Variants in KALRN observed in about 807,000 individuals in gnomAD.
KALRN encodes the protein kalirin.
Under a neutral mutation model 353.7 loss-of-function variants are expected in KALRN, and 70 were observed. The observed-to-expected ratio is 0.20, with a 90% CI of 0.16 to 0.24. KALRN has a LOEUF of 0.24. KALRN is among the 10% of genes least tolerant of loss of function. The probability of loss-of-function intolerance (pLI) is 1.00; values close to 1 mark genes in which losing one functional copy is unlikely to be tolerated. For missense variants in KALRN, 2,791 were observed against 3,756.7 expected (o/e 0.74, Z 6.72); for synonymous variants, 1,391 against 1,434.8 (o/e 0.97, Z 0.69).
chr3:124,127,179 T>C (rs561397244), intron 1 of KALRN, among the ~76,000 whole-genome samples: 2 of 152,334 alleles, frequency 1.3e-5, no homozygotes, highest in East Asian at 3.9e-4. Flanking sequence ...TTTGCGACTC[T>C]ATTGCTTCTC....
intron 1 of KALRN, chr3:124,096,231 G>C (rs2061438018): frequency 6.6e-6 from 1 of 152,232 alleles, no homozygotes; most frequent in South Asian, 2.1e-4. Flanking sequence ...TTCGTAAAAA[G>C]GGGTGATGAT....
intron 54 of KALRN, 82 bp downstream of exon 54, chr3:124,696,337 C>T: frequency 7.2e-7 from 1 of 1,388,196 alleles, no homozygotes; most frequent in Non-Finnish European, 9.9e-7. Flanking sequence ...CAGGCATGAT[C>T]TCTGTTCATG....
intron 1 of KALRN, among the ~76,000 whole-genome samples, chr3:124,035,606 G>A (rs182525127): frequency 6.6e-5 from 10 of 152,212 alleles, no homozygotes; most frequent in East Asian, 3.9e-4. Context: ...CCAGGCACCC[G>A]TAGCAGAGCT....
intron 1 of KALRN, among the ~76,000 whole-genome samples, chr3:124,089,097 T>C (rs764401400): frequency 6.6e-6 from 1 of 151,934 alleles, no homozygotes; most frequent in Non-Finnish European, 1.5e-5. Flanking sequence ...GAAAAAAAAA[T>C]GTTGAGCTCT....
intron 3 of KALRN, among the ~76,000 whole-genome samples, chr3:124,248,518 A>T: frequency 6.6e-6 from 1 of 152,116 alleles, no homozygotes; most frequent in East Asian, 1.9e-4. Context: ...CTTGTTTCTA[A>T]ATTAAGCAAG....
At chr3:124,632,338 T>C in intron 34 of KALRN, 82 bp from the exon 35 acceptor site, 4 of 1,372,238 alleles carry the variant, frequency 2.9e-6, no homozygotes, top group Non-Finnish European at 4.1e-6. Flanking sequence ...CCTAGCTTCC[T>C]GAGGATGGAG....
At chr3:124,206,686 A>G (rs1158665612) in intron 1 of KALRN, among the ~76,000 whole-genome samples, 5 of 152,248 alleles carry the variant, frequency 3.3e-5, no homozygotes, top group African/African-American at 1.2e-4. Flanking sequence ...TTATAGCATT[A>G]CATGAGTTTC....
chr3:124,327,180 A>T (rs1196578144), intron 7 of KALRN, among the ~76,000 whole-genome samples: 1 of 152,236 alleles, frequency 6.6e-6, no homozygotes, highest in African/African-American at 2.4e-5. Flanking sequence ...GTGTTTGAAA[A>T]TGCAGACTAA....
chr3:124,546,973 G>A (rs1387095074), intron 33 of KALRN, among the ~76,000 whole-genome samples: 2 of 152,142 alleles, frequency 1.3e-5, no homozygotes, highest in African/African-American at 4.8e-5. Flanking sequence ...TTGAATGAAT[G>A]AATGAGCGAA....
intron 34 of KALRN, among the ~76,000 whole-genome samples, chr3:124,617,700 C>T (rs888727898): frequency 6.6e-6 from 1 of 152,260 alleles, no homozygotes; most frequent in South Asian, 2.1e-4. Flanking sequence ...CCCAATAGTT[C>T]CTGATCCACT....
At chr3:124,594,296 A>G (rs375835396) in intron 34 of KALRN, among the ~76,000 whole-genome samples, 1 of 152,064 alleles carries the variant, frequency 6.6e-6, no homozygotes, top group East Asian at 1.9e-4. Context: ...CGCAATCTTG[A>G]CTCACTGCAA....
At chr3:124,439,171 C>A in intron 18 of KALRN, 134 bp downstream of exon 18, 1 of 756,366 alleles carries the variant, frequency 1.3e-6, no homozygotes, top group Non-Finnish European at 2.1e-6. Context: ...CTTTCTCCTC[C>A]TCCTCCTTCT....
chr3:124,286,484 C>T (rs947945482), intron 5 of KALRN, among the ~76,000 whole-genome samples: 1 of 152,118 alleles, frequency 6.6e-6, no homozygotes, highest in Non-Finnish European at 1.5e-5. Context: ...AACTCCTGAC[C>T]TTGTGATCTG....
chr3:124,433,674 C>G (rs1374114100), intron 16 of KALRN, among the ~76,000 whole-genome samples: 1 of 147,592 alleles, frequency 6.8e-6, no homozygotes, highest in African/African-American at 2.5e-5. Context: ...ATGTAAATAA[C>G]ATGGGGATTA....
intron 9 of KALRN, among the ~76,000 whole-genome samples, chr3:124,344,485 A>G (rs1020258598): frequency 2.0e-5 from 3 of 152,350 alleles, no homozygotes. Context: ...CTCTAAATGA[A>G]CTGTCTGAAA....
intron 5 of KALRN, among the ~76,000 whole-genome samples, chr3:124,294,770 T>C (rs1172852268): frequency 1.3e-5 from 2 of 152,190 alleles, no homozygotes; most frequent in Non-Finnish European, 2.9e-5. Flanking sequence ...GTTGTAGCAA[T>C]GAATATATCT....
At chr3:124,127,166 T>A (rs1032772946) in intron 1 of KALRN, among the ~76,000 whole-genome samples, 1 of 152,192 alleles carries the variant, frequency 6.6e-6, no homozygotes, top group African/African-American at 2.4e-5. Flanking sequence ...TGTCTTCCTT[T>A]AATTTGCGAC....
At chr3:124,444,526 G>A (rs959703195) in intron 19 of KALRN, among the ~76,000 whole-genome samples, 7 of 152,252 alleles carry the variant, frequency 4.6e-5, no homozygotes, top group African/African-American at 7.2e-5. Flanking sequence ...GGCTGAGCAC[G>A]GTGGCTCGCG....
intron 1 of KALRN, among the ~76,000 whole-genome samples, chr3:124,120,711 AATATATATATATATAT>A (rs368470724): frequency 3.4e-4 from 34 of 98,948 alleles, no homozygotes; most frequent in African/African-American, 1.1e-3. Context: ...GAATACTAAA[AATATATATATATATAT>A]ATATATATAT....
Sources: gnomAD v4.1 joint callset for allele counts (sites outside exome capture counted in the v4.1 genomes callset) on GRCh38, gnomAD v4.1.1 for gene constraint, MANE v1.5 for transcripts, NCBI Gene and HGNC (gene_info 2026-07-23, HGNC 2026-07-21) for gene names.